GRID2: variants seen among roughly 807,000 people sequenced by gnomAD.
The protein encoded by GRID2 is glutamate ionotropic receptor delta type subunit 2.
GRID2 carries 33 observed loss-of-function variants against 114.8 expected under a neutral mutation model. That is an observed-to-expected ratio of 0.29 (90% CI 0.22 to 0.38). The LOEUF (loss-of-function observed/expected upper bound fraction) is 0.38. Ranked by LOEUF, GRID2 falls within the 10% of genes least tolerant of loss-of-function variation. The pLI is 1.00. For missense variants in GRID2, 1,184 were observed against 1,257.7 expected, an observed-to-expected ratio of 0.94 and a Z score of 0.89; for synonymous variants, 505 against 449.9, an observed-to-expected ratio of 1.12 and a Z score of -1.55.
intron 2 of GRID2, among the ~76,000 whole-genome samples, chr4:92,713,805 C>A (rs1735398582): frequency 6.6e-6 from 1 of 151,798 alleles, no homozygotes; most frequent in African/African-American, 2.4e-5. Flanking sequence ...AAAGACCTGC[C>A]CCCATGATAC....
chr4:92,658,791 GTGTATATA>G lies in GRID2; in HGVS notation c.244+68507_244+68514del, dbSNP rs1193647099. On this transcript the variant is annotated intron_variant, in intron 2 of 15. Transcript: ENST00000282020. ...TGTGTTTGCATGTATGTGTGTGTGT[GTGTATATA>G]TATATATATATATATATATACACAC... Among the ~76,000 whole-genome samples, 811 of 111,172 alleles carry G rather than the reference GTGTATATA, an allele frequency of 7.3e-3. 15 individuals carry two copies. Among genetic ancestry groups the G allele is most frequent in the African/African-American group, 0.024 (777 of 32,706 alleles). 72.9% of individuals were successfully genotyped at this position (111,172 alleles called of 152,430 possible). A position where few individuals can be genotyped will look rare whatever the true frequency, so the allele number is the denominator to read the frequency against.
intron 10 of GRID2, among the ~76,000 whole-genome samples, chr4:93,428,022 G>A (rs1219854634): frequency 1.3e-5 from 2 of 151,870 alleles, no homozygotes; most frequent in Non-Finnish European, 2.9e-5. Context: ...ATCAAGTTTA[G>A]GATAGAAGTA....
At chr4:93,596,788 A>G (rs1367475612) in intron 13 of GRID2, among the ~76,000 whole-genome samples, 2 of 152,144 alleles carry the variant, frequency 1.3e-5, no homozygotes, top group East Asian at 3.8e-4. Flanking sequence ...TCATTGTTGG[A>G]TATTGGTTTT....
At chr4:92,827,648 G>A (rs1741817341) in intron 2 of GRID2, among the ~76,000 whole-genome samples, 1 of 152,132 alleles carries the variant, frequency 6.6e-6, no homozygotes, top group Non-Finnish European at 1.5e-5. Flanking sequence ...TTTCATGGCA[G>A]TGACTCACAC....
At chr4:92,565,416 T>C (rs1049760425) in intron 1 of GRID2, among the ~76,000 whole-genome samples, 3 of 151,994 alleles carry the variant, frequency 2.0e-5, no homozygotes, top group African/African-American at 4.8e-5. Flanking sequence ...ATATTCCCAC[T>C]TTATATGACA....
rs1201080563 is a variant in GRID2, at chr4:93,773,726, A to G, written c.*1228A>G. 6.6e-6 allele frequency: 1 copy of G among 152,126 alleles called. No homozygotes were observed. The highest frequency in any genetic ancestry group is 2.4e-5 in the African/African-American group (1 of 41,438). 9.4% of individuals were successfully genotyped at this position (152,126 alleles called of 1,614,324 possible). A position where few individuals can be genotyped will look rare whatever the true frequency, so the allele number is the denominator to read the frequency against. On this transcript the variant is annotated 3_prime_UTR_variant, in exon 16 of 16. Transcript: ENST00000282020. ...GGGTGGGAGCCCTTAAGAACTATTG[A>G]TGTGGCCTTAAATTACTGTCATTTA... is the stretch of plus-strand genomic sequence containing the variant.
chr4:93,301,290 A>C (rs1490275750), intron 8 of GRID2, among the ~76,000 whole-genome samples: 1 of 152,220 alleles, frequency 6.6e-6, no homozygotes, highest in Non-Finnish European at 1.5e-5. Context: ...CAATTTATCT[A>C]AACTAGTCTT....
chr4:93,717,978 G>A (rs1158942578), intron 14 of GRID2, among the ~76,000 whole-genome samples: 1 of 152,148 alleles, frequency 6.6e-6, no homozygotes, highest in Non-Finnish European at 1.5e-5. Context: ...AAAGTGGGCT[G>A]GGTGCGGTGA....
chr4:93,796,566 C>T (rs572774529), intron 1 of GRID2, among the ~76,000 whole-genome samples: 2 of 152,042 alleles, frequency 1.3e-5, no homozygotes, highest in South Asian at 2.1e-4. Context: ...TTTTTTGAGA[C>T]GGAGTCTTGC....
intron 1 of GRID2, among the ~76,000 whole-genome samples, chr4:92,507,364 T>C (rs1279997172): frequency 6.6e-6 from 1 of 151,676 alleles, no homozygotes; most frequent in Non-Finnish European, 1.5e-5. Context: ...AAAAATTATA[T>C]TATTTCCCAC....
At position 93,566,738 on chromosome 4, in the gene GRID2, C is replaced by T. The variant is rs62320405; in HGVS notation, c.2193+51327C>T. On this transcript the variant is annotated intron_variant, in intron 13 of 15. Transcript: ENST00000282020. ...TGAGCCAAGCTTGCCCCTCTGCCCTCCAGCCTGAGTGACAGTGCCAGACTG... is the reference window on the plus strand; with the variant it reads ...TGAGCCAAGCTTGCCCCTCTGCCCTTCAGCCTGAGTGACAGTGCCAGACTG... Among the ~76,000 whole-genome samples the T allele has an allele frequency of 4.8e-3, 727 of 152,110 alleles. 2 individuals carry two copies. The highest frequency in any genetic ancestry group is 8.0e-3 in the Non-Finnish European group (541 of 67,996).
intron 13 of GRID2, among the ~76,000 whole-genome samples, chr4:93,611,722 G>C (rs1303915287): frequency 8.3e-6 from 1 of 120,642 alleles, no homozygotes; most frequent in Admixed American, 8.5e-5. Flanking sequence ...GCTGAGGAGA[G>C]CTTTACTTCC....
At chr4:92,963,961 GGTGCATT>G (rs1459005214) in intron 2 of GRID2, among the ~76,000 whole-genome samples, 3 of 151,974 alleles carry the variant, frequency 2.0e-5, no homozygotes, top group African/African-American at 2.4e-5. Context: ...TGGGTAACCA[GGTGCATT>G]GTCAATAAGC....
At chr4:92,613,485 G>A (rs1729850020) in intron 2 of GRID2, among the ~76,000 whole-genome samples, 2 of 151,396 alleles carry the variant, frequency 1.3e-5, no homozygotes, top group Non-Finnish European at 3.0e-5. Flanking sequence ...GCTTTGTGAA[G>A]GATTGGTATT....
At chr4:92,342,230 TATC>T (rs1391154289) in intron 1 of GRID2, among the ~76,000 whole-genome samples, 4 of 152,154 alleles carry the variant, frequency 2.6e-5, no homozygotes, top group Admixed American at 1.3e-4. Flanking sequence ...TATATGTCAA[TATC>T]ATCAGGAGAC....
intron 2 of GRID2, among the ~76,000 whole-genome samples, chr4:92,712,351 A>C (rs1294536508): frequency 3.3e-5 from 5 of 152,120 alleles, no homozygotes; most frequent in Non-Finnish European, 5.9e-5. Context: ...TTAAAAAATT[A>C]GTTTTATTTT....
intron 2 of GRID2, among the ~76,000 whole-genome samples, chr4:92,965,958 T>G (rs1311154317): frequency 1.3e-5 from 2 of 151,906 alleles, no homozygotes; most frequent in Non-Finnish European, 2.9e-5. Flanking sequence ...TTTATAAAGT[T>G]CATACCTTTT....
At chr4:93,523,929 C>T (rs528900982) in intron 13 of GRID2, among the ~76,000 whole-genome samples, 2 of 152,222 alleles carry the variant, frequency 1.3e-5, no homozygotes, top group South Asian at 2.1e-4. Flanking sequence ...TCGTCCTGAC[C>T]TTGCATGTCG....
intron 9 of GRID2, among the ~76,000 whole-genome samples, chr4:93,406,205 T>C (rs531982113): frequency 2.4e-4 from 36 of 152,234 alleles, no homozygotes; most frequent in African/African-American, 8.7e-4. Context: ...GAGCCAAGTA[T>C]GGAAAAACCT....
Sources: allele counts gnomAD v4.1 joint callset (sites outside exome capture counted in the v4.1 genomes callset), GRCh38; gene constraint gnomAD v4.1.1; transcripts MANE v1.5; gene names NCBI Gene and HGNC (gene_info 2026-07-23, HGNC 2026-07-21).